CYP20A1: variants seen among roughly 807,000 people sequenced by gnomAD.
CYP20A1 encodes cytochrome P450 family 20 subfamily A member 1, also known as cytochrome P450 20A1.
A neutral mutation model predicts 61.4 loss-of-function variants in CYP20A1; 61 were observed. That is an observed-to-expected ratio of 0.99 (90% CI 0.81 to 1.23). CYP20A1 has a LOEUF of 1.23. Ranked by LOEUF, CYP20A1 falls within the 50% of genes most tolerant of loss-of-function variation. The pLI is 0.00. For synonymous variants in CYP20A1, 193 were observed against 188.2 expected (o/e 1.03, Z -0.21); for missense variants, 530 against 542.4 (o/e 0.98, Z 0.23).
At chr2:203,281,281 T>C (rs1483839540) in intron 8 of CYP20A1, among the ~76,000 whole-genome samples, 2 of 151,890 alleles carry the variant, frequency 1.3e-5, no homozygotes, top group Non-Finnish European at 2.9e-5. Context: ...CCGAGGTGGA[T>C]GAATCACTGG....
chr2:203,286,750 A>G (rs2068288601), intron 9 of CYP20A1, among the ~76,000 whole-genome samples: 1 of 152,194 alleles, frequency 6.6e-6, no homozygotes, highest in South Asian at 2.1e-4. Flanking sequence ...TAGTTACGCA[A>G]TTGTATACAA....
chr2:203,286,469 A>G (rs1254127202), intron 9 of CYP20A1, among the ~76,000 whole-genome samples: 1 of 152,242 alleles, frequency 6.6e-6, no homozygotes, highest in Non-Finnish European at 1.5e-5. Flanking sequence ...TGGTAAATAG[A>G]TAAACAAATT....
intron 7 of CYP20A1, among the ~76,000 whole-genome samples, chr2:203,279,302 C>G (rs1269184029): frequency 6.6e-6 from 1 of 152,108 alleles, no homozygotes; most frequent in Non-Finnish European, 1.5e-5. Flanking sequence ...ATTGGTAGTA[C>G]AAGTACTTGG....
In CYP20A1 at chr2:203,301,885, A is replaced by T. The variant is rs1165626211; in HGVS notation, c.*4977A>T. ...AAACTCAGTTAACAGTCATAGTTTCACTATTTGAAGTTAACCACTGTTAAG... is the reference window on the plus strand; with the variant it reads ...AAACTCAGTTAACAGTCATAGTTTCTCTATTTGAAGTTAACCACTGTTAAG... On this transcript the variant is annotated 3_prime_UTR_variant, in exon 13 of 13. Transcript: ENST00000356079. Among the ~76,000 whole-genome samples, 1 of 149,926 alleles carries T rather than the reference A, an allele frequency of 6.7e-6. No homozygotes were observed. The highest frequency in any genetic ancestry group is 1.5e-5 in the Non-Finnish European group (1 of 67,560).
intron 4 of CYP20A1, among the ~76,000 whole-genome samples, chr2:203,257,946 G>T (rs971136081): frequency 3.3e-5 from 5 of 152,288 alleles, no homozygotes; most frequent in South Asian, 2.1e-4. Context: ...CTGTTGCCTG[G>T]GCTCAAGTGC....
chr2:203,257,836 TG>T (rs1465399193), intron 4 of CYP20A1, among the ~76,000 whole-genome samples: 1 of 126,982 alleles, frequency 7.9e-6, no homozygotes, highest in East Asian at 2.2e-4. Flanking sequence ...TATATATTTA[TG>T]GGGTACATGA....
At chr2:203,265,953 G>T (rs2067306428) in intron 4 of CYP20A1, among the ~76,000 whole-genome samples, 1 of 152,168 alleles carries the variant, frequency 6.6e-6, no homozygotes, top group South Asian at 2.1e-4. Flanking sequence ...GCCTCCCAAA[G>T]TGCTAGGATT....
chr2:203,274,188 A>ATT (rs780141331), intron 6 of CYP20A1, among the ~76,000 whole-genome samples: 13 of 142,526 alleles, frequency 9.1e-5, no homozygotes, highest in Non-Finnish European at 1.1e-4. Context: ...TTTTAAAATA[A>ATT]TTTTTTTTTT....
At chr2:203,245,322 G>A (rs1265829985) in intron 1 of CYP20A1, among the ~76,000 whole-genome samples, 8 of 150,058 alleles carry the variant, frequency 5.3e-5, no homozygotes, top group Non-Finnish European at 4.4e-5. Context: ...CACTGCGCTC[G>A]GCTGAAATCA....
chr2:203,242,832 C>A (rs1354495976), intron 1 of CYP20A1, among the ~76,000 whole-genome samples: 1 of 151,732 alleles, frequency 6.6e-6, no homozygotes, highest in Admixed American at 6.6e-5. Flanking sequence ...GTTACTATAA[C>A]CACTCCTTTG....
intron 12 of CYP20A1, 61 bp from the exon 13 acceptor site, chr2:203,296,697 C>T (rs2068812382): frequency 9.1e-6 from 14 of 1,532,214 alleles, no homozygotes; most frequent in South Asian, 5.2e-5. Flanking sequence ...ATGTGCAGAA[C>T]GTGCAGGTTT....
chr2:203,254,251 T>C lies in CYP20A1; in HGVS notation c.432+2142T>C, dbSNP rs951310704. On this transcript the variant is annotated intron_variant, in intron 4 of 12. Transcript: ENST00000356079. Reference sequence around the variant, plus strand: ...TGAGCCACCGTGCCCGGCCTTGTTCTTTTATTTTTAACCCTTGCCTTCCCT... The same window carrying C: ...TGAGCCACCGTGCCCGGCCTTGTTCCTTTATTTTTAACCCTTGCCTTCCCT... Among the ~76,000 whole-genome samples, 21 of 152,256 alleles carry C rather than the reference T, an allele frequency of 1.4e-4. 1 individual carries two copies. The highest frequency in any genetic ancestry group is 4.3e-4 in the African/African-American group (18 of 41,552).
chr2:203,240,591 A>T (rs911865614), intron 1 of CYP20A1, among the ~76,000 whole-genome samples: 5 of 152,204 alleles, frequency 3.3e-5, no homozygotes, highest in African/African-American at 1.2e-4. Flanking sequence ...AGATACGGAG[A>T]CATTTGAGTA....
At chr2:203,246,604 C>G in intron 2 of CYP20A1, 151 bp from the exon 3 acceptor site, 1 of 713,288 alleles carries the variant, frequency 1.4e-6, no homozygotes. Context: ...AGCAAGAAGG[C>G]AAATATAATT....
At chr2:203,279,996 G>T in intron 7 of CYP20A1, 63 bp from the exon 8 acceptor site, 1 of 1,025,812 alleles carries the variant, frequency 9.7e-7, no homozygotes, top group Non-Finnish European at 1.4e-6. Context: ...GATTATTTTA[G>T]CAGGGCCTAA....
In CYP20A1 at chr2:203,305,525, G is replaced by GAATAGATCTTGTTATAGTATGTGATA. The variant is rs2069183854; in HGVS notation, c.*8646_*8671dup. 2 of 151,908 alleles carry GAATAGATCTTGTTATAGTATGTGATA rather than the reference G, an allele frequency of 1.3e-5. No homozygotes were observed. The highest frequency in any genetic ancestry group is 2.1e-4 in the South Asian group (1 of 4,808). The allele number at this position is 151,908 out of a possible 1,614,324, so 9.4% of individuals were successfully genotyped here. ...CGTTGGCTTGCTTTCTAGATACTGG[G>GAATAGATCTTGTTATAGTATGTGATA]AATAGATCTTGTTATAGTATGTGAT... On this transcript the variant is annotated 3_prime_UTR_variant, in exon 13 of 13. Transcript: ENST00000356079.
chr2:203,289,922 CTT>C (rs747362475), intron 10 of CYP20A1, 46 bp downstream of exon 10: 16 of 993,392 alleles, frequency 1.6e-5, no homozygotes, highest in East Asian at 1.0e-4. Context: ...ATTCTCAACT[CTT>C]TTGGTGTGTG....
At position 203,304,931 on chromosome 2, in the gene CYP20A1, CAAAT is replaced by C. The variant is rs1019854249; in HGVS notation, c.*8037_*8040del. Among the ~76,000 whole-genome samples the C allele has an allele frequency of 4.6e-5, 7 of 152,066 alleles. No homozygotes were observed. The highest frequency in any genetic ancestry group is 1.4e-4 in the African/African-American group (6 of 41,414). On this transcript the variant is annotated 3_prime_UTR_variant, in exon 13 of 13. Coordinates refer to ENST00000356079, the MANE Select transcript of CYP20A1 (RefSeq NM_177538.3). The stretch of plus-strand genomic sequence containing the variant: ...AGCCTAGGTGACAAAGCACAACCCT[CAAAT>C]AAATAAATAAATACATGTTAAACAT...
chr2:203,303,448 C>A lies in CYP20A1; in HGVS notation c.*6540C>A, dbSNP rs1189850925. Among the ~76,000 whole-genome samples, 1 of 151,970 alleles carries A rather than the reference C, an allele frequency of 6.6e-6. No individual in the cohort carries two copies. Among genetic ancestry groups the A allele is most frequent in the African/African-American group, 2.4e-5 (1 of 41,402 alleles). On this transcript the variant is annotated 3_prime_UTR_variant, in exon 13 of 13. Coordinates refer to ENST00000356079, the MANE Select transcript of CYP20A1 (RefSeq NM_177538.3). ...AAATAGGCCGGGCCTGTAATTCCAGCACTTTGGGAGGCCAAGGCAGGTGAA... is the reference window on the plus strand; with the variant it reads ...AAATAGGCCGGGCCTGTAATTCCAGAACTTTGGGAGGCCAAGGCAGGTGAA...
Sources: gnomAD v4.1 joint callset for allele counts (sites outside exome capture counted in the v4.1 genomes callset) on GRCh38, gnomAD v4.1.1 for gene constraint, MANE v1.5 for transcripts, NCBI Gene and HGNC (gene_info 2026-07-23, HGNC 2026-07-21) for gene names.